WHRN: variants seen among roughly 807,000 people sequenced by gnomAD.
The protein encoded by WHRN is whirlin, also known as CASK-interacting protein CIP98.
Under a neutral mutation model 68.3 loss-of-function variants are expected in WHRN, and 41 were observed. The ratio of observed to expected loss-of-function variants is 0.60; its 90% CI spans 0.47 to 0.78. The LOEUF is 0.78. Ranked by LOEUF, WHRN falls within the 30% of genes least tolerant of loss-of-function variation. The pLI is 0.00. For missense variants in WHRN, 1,243 were observed against 1,244.7 expected (o/e 1.00, Z 0.02); for synonymous variants, 560 against 561.3 (o/e 1.00, Z 0.03).
chr9:114,413,295 T>C (rs765019173), intron 7 of WHRN, among the ~76,000 whole-genome samples: 2 of 152,070 alleles, frequency 1.3e-5, no homozygotes, highest in Non-Finnish European at 2.9e-5. Flanking sequence ...GTAGAGAAAC[T>C]GAAGAAGCAA....
At chr9:114,480,076 T>C (rs1841981044) in intron 1 of WHRN, among the ~76,000 whole-genome samples, 1 of 150,530 alleles carries the variant, frequency 6.6e-6, no homozygotes, top group Non-Finnish European at 1.5e-5. Context: ...AAAATAGTAA[T>C]AATTAATTAA....
chr9:114,441,439 G>A (rs999170068), intron 3 of WHRN, among the ~76,000 whole-genome samples: 1 of 152,118 alleles, frequency 6.6e-6, no homozygotes, highest in African/African-American at 2.4e-5. Context: ...AGCCCATCTA[G>A]CCCCCAGATC....
chr9:114,501,551 T>TACAC (rs59195050), intron 1 of WHRN, among the ~76,000 whole-genome samples: 26,295 of 144,814 alleles, frequency 0.18, 2,527 homozygotes, highest in Admixed American at 0.24. Flanking sequence ...TAATTTTTAT[T>TACAC]ACACACACAC....
chr9:114,412,712 C>A (rs1234884515), intron 7 of WHRN, among the ~76,000 whole-genome samples: 4 of 152,202 alleles, frequency 2.6e-5, no homozygotes, highest in Non-Finnish European at 5.9e-5. Flanking sequence ...CCTGAGTTGG[C>A]CCAATCAGGG....
chr9:114,414,818 T>C (rs1183024737), intron 7 of WHRN, among the ~76,000 whole-genome samples: 3 of 152,178 alleles, frequency 2.0e-5, no homozygotes, highest in Non-Finnish European at 4.4e-5. Flanking sequence ...CTCCCTGGGA[T>C]GGAGTGGGCT....
chr9:114,460,335 A>T (rs1488008839), intron 3 of WHRN, among the ~76,000 whole-genome samples: 1 of 152,236 alleles, frequency 6.6e-6, no homozygotes, highest in African/African-American at 2.4e-5. Flanking sequence ...CATGTATTAA[A>T]TGATGTTATT....
intron 2 of WHRN, among the ~76,000 whole-genome samples, chr9:114,476,420 T>G (rs1841655257): frequency 6.6e-6 from 1 of 152,020 alleles, no homozygotes; most frequent in South Asian, 2.1e-4. Context: ...AGTCCCCGAA[T>G]GGCACATGGC....
At chr9:114,503,543 AAC>A (rs1589286321) in intron 1 of WHRN, 1 of 150,378 alleles carries the variant, frequency 6.6e-6, no homozygotes, top group East Asian at 1.9e-4. Flanking sequence ...AGAAAGGACA[AAC>A]ACTCTCAGGG....
chr9:114,427,906 G>C (rs554787414), intron 3 of WHRN, among the ~76,000 whole-genome samples: 1 of 152,312 alleles, frequency 6.6e-6, no homozygotes, highest in African/African-American at 2.4e-5. Context: ...TGCTGAGCAG[G>C]ATAATCTGCT....
intron 2 of WHRN, among the ~76,000 whole-genome samples, chr9:114,469,534 G>A (rs1471363834): frequency 6.6e-6 from 1 of 152,196 alleles, no homozygotes; most frequent in East Asian, 1.9e-4. Context: ...CCTCCCTGGA[G>A]GCAGCTCTGT....
At chr9:114,464,641 T>C (rs574370273) in intron 3 of WHRN, among the ~76,000 whole-genome samples, 1 of 152,186 alleles carries the variant, frequency 6.6e-6, no homozygotes, top group Non-Finnish European at 1.5e-5. Context: ...GTGGCAATGT[T>C]TACTATAATA....
intron 1 of WHRN, among the ~76,000 whole-genome samples, chr9:114,498,190 G>A (rs79889601): frequency 0.11 from 16,510 of 152,124 alleles, 1,234 homozygotes; most frequent in East Asian, 0.35. Context: ...CTGGGGATGC[G>A]TGAATAAGCA....
chr9:114,414,743 G>A (rs946923453), intron 7 of WHRN, among the ~76,000 whole-genome samples: 1 of 152,244 alleles, frequency 6.6e-6, no homozygotes, highest in Non-Finnish European at 1.5e-5. Flanking sequence ...TGGCCGGCCT[G>A]AGAGGCTTTA....
At chr9:114,490,683 A>G (rs927913835) in intron 1 of WHRN, among the ~76,000 whole-genome samples, 1 of 152,200 alleles carries the variant, frequency 6.6e-6, no homozygotes, top group South Asian at 2.1e-4. Flanking sequence ...CTGACATTTT[A>G]AAGTCCCTGC....
intron 1 of WHRN, chr9:114,503,723 A>C (rs868587653): frequency 5.7e-6 from 1 of 176,358 alleles, no homozygotes; most frequent in Non-Finnish European, 1.2e-5. Context: ...AGCAGCGTCA[A>C]GCCAGTGCAC....
intron 3 of WHRN, among the ~76,000 whole-genome samples, chr9:114,446,599 T>C (rs1408649639): frequency 6.6e-6 from 1 of 152,174 alleles, no homozygotes; most frequent in Non-Finnish European, 1.5e-5. Context: ...TGTGTGTGTA[T>C]TATGTATTGA....
intron 3 of WHRN, among the ~76,000 whole-genome samples, chr9:114,430,252 CTG>C (rs1193325767): frequency 6.6e-6 from 1 of 152,114 alleles, no homozygotes; most frequent in Non-Finnish European, 1.5e-5. Context: ...TTCTATGAGG[CTG>C]GGGGAAGGTT....
chr9:114,448,215 A>C (rs2132671388), intron 3 of WHRN, among the ~76,000 whole-genome samples: 1 of 152,288 alleles, frequency 6.6e-6, no homozygotes, highest in South Asian at 2.1e-4. Flanking sequence ...TGCCCGTATA[A>C]GAGAACGGAC....
intron 7 of WHRN, among the ~76,000 whole-genome samples, chr9:114,416,149 T>A (rs961153806): frequency 6.6e-6 from 1 of 152,134 alleles, no homozygotes; most frequent in African/African-American, 2.4e-5. Flanking sequence ...GTCCCCAGCA[T>A]CCTTGGGCAG....
Sources: allele counts gnomAD v4.1 joint callset (sites outside exome capture counted in the v4.1 genomes callset), GRCh38; gene constraint gnomAD v4.1.1; transcripts MANE v1.5; gene names NCBI Gene and HGNC (gene_info 2026-07-23, HGNC 2026-07-21).